FRMPD4: variants seen among roughly 807,000 people sequenced by gnomAD.
FRMPD4 encodes the protein FERM and PDZ domain containing 4.
Under a neutral mutation model 94.1 loss-of-function variants are expected in FRMPD4, and 22 were observed. The observed-to-expected ratio is 0.23, with a 90% CI of 0.17 to 0.33. The LOEUF (loss-of-function observed/expected upper bound fraction) is 0.33. Among genes scored for constraint, FRMPD4 ranks in the 10% least tolerant of loss-of-function variants. The pLI is 1.00. For missense variants in FRMPD4, 1,111 were observed against 1,339.9 expected (o/e 0.83, Z 2.67); for synonymous variants, 631 against 548.6 (o/e 1.15, Z -2.10).
chrX:12,428,464 G>A (rs1032401636), intron 1 of FRMPD4, among the ~76,000 whole-genome samples: 2 of 110,946 alleles, frequency 1.8e-5, no homozygotes, highest in African/African-American at 6.6e-5. Flanking sequence ...TGGATTTCTC[G>A]AACCTCTTAT....
At chrX:12,197,417 T>C (rs60922009) in intron 1 of FRMPD4, among the ~76,000 whole-genome samples, 1,129 of 111,925 alleles carry the variant, frequency 0.01, 17 homozygotes, top group African/African-American at 0.035. Flanking sequence ...CAGAAATATG[T>C]CTGCTCCTGG....
intron 4 of FRMPD4, among the ~76,000 whole-genome samples, chrX:12,630,948 T>C (rs1458128204): frequency 9.0e-6 from 1 of 111,678 alleles, no homozygotes; most frequent in East Asian, 2.8e-4. Context: ...CTTCAGAGGG[T>C]AATCCGGAGA....
At chrX:12,633,840 C>G (rs1002122526) in intron 4 of FRMPD4, among the ~76,000 whole-genome samples, 1 of 112,094 alleles carries the variant, frequency 8.9e-6, no homozygotes, top group Non-Finnish European at 1.9e-5. Context: ...TAGTTTAAAT[C>G]AGTCTTTATT....
chrX:11,863,687 GAAT>G (rs956411445), intron 1 of FRMPD4, among the ~76,000 whole-genome samples: 14 of 111,895 alleles, frequency 1.3e-4, no homozygotes, highest in African/African-American at 4.6e-4. Context: ...TAAAAATAAT[GAAT>G]AATAATAATT....
At chrX:12,058,003 C>A (rs1007538106) in intron 3 of FRMPD4, among the ~76,000 whole-genome samples, 8 of 110,922 alleles carry the variant, frequency 7.2e-5, no homozygotes, top group African/African-American at 2.6e-4. Flanking sequence ...GTTATGCACA[C>A]TAATTTACTT....
At chrX:12,399,476 A>T in intron 1 of FRMPD4, among the ~76,000 whole-genome samples, 1 of 111,592 alleles carries the variant, frequency 9.0e-6, no homozygotes, top group African/African-American at 3.3e-5. Context: ...AATTTGTTAT[A>T]CCTTTTGACA....
upstream of FRMPD4, among the ~76,000 whole-genome samples, chrX:12,137,350 G>T (rs916949602): frequency 2.7e-5 from 3 of 112,856 alleles, no homozygotes; most frequent in Non-Finnish European, 5.6e-5. Context: ...GAATACTGAA[G>T]ACTTTAAATA....
intron 3 of FRMPD4, among the ~76,000 whole-genome samples, chrX:11,903,837 T>C (rs1328286043): frequency 8.9e-6 from 1 of 112,121 alleles, no homozygotes; most frequent in African/African-American, 3.2e-5. Flanking sequence ...TAGAGTGCAG[T>C]AGCGTGATCA....
intron 1 of FRMPD4, among the ~76,000 whole-genome samples, chrX:12,371,036 T>C (rs2056155387): frequency 8.9e-6 from 1 of 112,203 alleles, no homozygotes; most frequent in Non-Finnish European, 1.9e-5. Flanking sequence ...AATGCAGAAA[T>C]AGATTGCTTC....
At chrX:11,902,225 CTG>C (rs1402007157) in intron 3 of FRMPD4, among the ~76,000 whole-genome samples, 1 of 112,655 alleles carries the variant, frequency 8.9e-6, no homozygotes, top group East Asian at 2.8e-4. Context: ...TATTAAATTG[CTG>C]TCTTTGTCAG....
chrX:12,456,123 A>G (rs2057330994), intron 1 of FRMPD4, among the ~76,000 whole-genome samples: 1 of 112,274 alleles, frequency 8.9e-6, no homozygotes, highest in Non-Finnish European at 1.9e-5. Context: ...GGACATAAAG[A>G]TAACAGACCT....
At chrX:11,869,516 A>C (rs2053743939) in intron 2 of FRMPD4, among the ~76,000 whole-genome samples, 1 of 112,264 alleles carries the variant, frequency 8.9e-6, no homozygotes, top group Admixed American at 9.4e-5. Flanking sequence ...AGCTTGATTT[A>C]ATCATACCAC....
chrX:12,250,118 C>G (rs59531846), intron 1 of FRMPD4, among the ~76,000 whole-genome samples: 995 of 97,019 alleles, frequency 0.01, 9 homozygotes, highest in African/African-American at 0.035. Context: ...TGCTTAAAAC[C>G]TTGAATTATG....
intron 2 of FRMPD4, among the ~76,000 whole-genome samples, chrX:12,607,218 C>T (rs932750751): frequency 9.0e-6 from 1 of 111,639 alleles, no homozygotes; most frequent in African/African-American, 3.3e-5. Flanking sequence ...CAGGCCTCTC[C>T]GTCTGATCTC....
chrX:12,495,261 A>G (rs1423132887), intron 1 of FRMPD4, among the ~76,000 whole-genome samples: 17 of 111,945 alleles, frequency 1.5e-4, no homozygotes, highest in African/African-American at 5.5e-4. Flanking sequence ...TCATACTTGC[A>G]AAACCACCCA....
At chrX:11,840,301 A>C (rs1467990243) in intron 1 of FRMPD4, among the ~76,000 whole-genome samples, 1 of 111,607 alleles carries the variant, frequency 9.0e-6, no homozygotes, top group Non-Finnish European at 1.9e-5. Flanking sequence ...TGTTAAATGT[A>C]TTCCCAAGTT....
chrX:11,824,729 C>T (rs1049175732), intron 1 of FRMPD4, among the ~76,000 whole-genome samples: 1 of 111,333 alleles, frequency 9.0e-6, no homozygotes, highest in Admixed American at 9.5e-5. Flanking sequence ...TGCTGGGTCC[C>T]AAATGTCTAG....
chrX:12,369,346 G>C (rs2148003627), intron 1 of FRMPD4, among the ~76,000 whole-genome samples: 1 of 109,650 alleles, frequency 9.1e-6, no homozygotes, highest in African/African-American at 3.3e-5. Flanking sequence ...TCCTGTGTTA[G>C]AGCGTGGGTT....
intron 1 of FRMPD4, among the ~76,000 whole-genome samples, chrX:12,254,658 G>T (rs1156817610): frequency 1.8e-5 from 2 of 112,034 alleles, no homozygotes; most frequent in Non-Finnish European, 3.8e-5. Context: ...ATTGTCACAA[G>T]TGTAGAAAAG....
Sources: allele counts gnomAD v4.1 joint callset (sites outside exome capture counted in the v4.1 genomes callset), GRCh38; gene constraint gnomAD v4.1.1; transcripts MANE v1.5; gene names NCBI Gene and HGNC (gene_info 2026-07-23, HGNC 2026-07-21).